The following SNX5 variants were observed in gnomAD, a reference collection of about 807,000 sequenced individuals.
SNX5 encodes the protein sorting nexin 5.
In SNX5, 31 loss-of-function variants were observed where a neutral mutation model predicts 53.9. The observed-to-expected ratio is 0.58, with a 90% CI of 0.43 to 0.78. The LOEUF (loss-of-function observed/expected upper bound fraction) is 0.78, where lower values mean the gene tolerates loss of function less well. Ranked by LOEUF, SNX5 falls within the 30% of genes least tolerant of loss-of-function variation. The pLI is 0.00. For synonymous variants in SNX5, 168 were observed against 171.1 expected (o/e 0.98, Z 0.14); for missense variants, 471 against 478.8 (o/e 0.98, Z 0.15).
rs532915054 is a variant in SNX5 at position 17,966,222 on chromosome 20, C to T, written c.51+2153G>A. Among the ~76,000 whole-genome samples, 13 of 152,030 alleles carry T rather than the reference C, an allele frequency of 8.6e-5. No homozygotes were observed. In the East Asian group the frequency reaches 2.3e-3, roughly 27 times the overall value. On this transcript the variant is annotated intron_variant, in intron 1 of 12. Transcript: ENST00000377759. ...CCAACATGGTGAAACCCGGTCTCCA[C>T]AAAAATACAAAAATTAGCCGGGCAT...
At chr20:17,961,022 T>G (rs2035439471) in intron 1 of SNX5, 1 of 517,880 alleles carries the variant, frequency 1.9e-6, no homozygotes, top group Non-Finnish European at 2.5e-6. Context: ...CAAGCACGGC[T>G]TCATTTGGAA....
rs2035447225 is a variant in SNX5 at position 17,961,480 on chromosome 20, T to C, written c.52-4443A>G. Reference sequence around the variant, plus strand: ...AAGTGAAACTCCACAATCTCTGATCTGTTAGATTGGGGCTAGTTGAACAGT... The same window carrying C: ...AAGTGAAACTCCACAATCTCTGATCCGTTAGATTGGGGCTAGTTGAACAGT... On this transcript the variant is annotated intron_variant, in intron 1 of 12. Coordinates refer to ENST00000377759, the MANE Select transcript of SNX5 (RefSeq NM_014426.4). 3 of 985,314 alleles carry C rather than the reference T, an allele frequency of 3.0e-6. No homozygotes were observed. The Admixed American group carries it at 1.8e-4, about 61-fold the overall frequency. 61.0% of individuals were successfully genotyped at this position (985,314 alleles called of 1,614,324 possible). A position where few individuals can be genotyped will look rare whatever the true frequency, so the allele number is the denominator to read the frequency against.
chr20:17,968,472 A>T lies in SNX5; in HGVS notation c.-47T>A. 3 of 1,288,932 alleles carry T rather than the reference A, an allele frequency of 2.3e-6. No homozygotes were observed. Among genetic ancestry groups the T allele is most frequent in the Non-Finnish European group, 3.0e-6 (3 of 1,016,230 alleles). 79.8% of individuals were successfully genotyped at this position (1,288,932 alleles called of 1,614,324 possible). On this transcript the variant is annotated 5_prime_UTR_variant, in exon 1 of 13. Transcript: ENST00000377759. ...GGGCCGCCTGGCTGTGCGAGGAAAG[A>T]AGAAGCTGGGCCGCCGCCGCCGCCG...
At chr20:17,957,899 CA>C (rs2035388090) in intron 1 of SNX5, among the ~76,000 whole-genome samples, 1 of 150,108 alleles carries the variant, frequency 6.7e-6, no homozygotes. Context: ...ACTGTGGTTA[CA>C]CATGAGCAAC....
rs2035625192 is a variant in SNX5, at chr20:17,968,769, TC to T, written c.-345del. ...CACGGACGGGAAGCAACGGACACTC[TC>T]CCAGCAAGACGCGTCTAGAGAAAGA... On this transcript the variant is annotated 5_prime_UTR_variant, in exon 1 of 13. Transcript: ENST00000377759. The T allele has an allele frequency of 3.0e-6, 1 of 334,720 alleles. No individual in the cohort carries two copies. The highest frequency in any genetic ancestry group is 8.5e-4 in the Middle Eastern group (1 of 1,170). The allele number at this position is 334,720 out of a possible 1,614,324, so 20.7% of individuals were successfully genotyped here. A position where few individuals can be genotyped will look rare whatever the true frequency, so the allele number is the denominator to read the frequency against.
intron 11 of SNX5, chr20:17,944,257 G>C (rs1292451292): frequency 6.6e-6 from 1 of 152,016 alleles, no homozygotes; most frequent in Non-Finnish European, 1.5e-5. Context: ...TAAATTTTGA[G>C]ATCTACTGCA....
At chr20:17,965,941 A>AC (rs777311790) in intron 1 of SNX5, among the ~76,000 whole-genome samples, 21 of 152,048 alleles carry the variant, frequency 1.4e-4, no homozygotes, top group Non-Finnish European at 2.4e-4. Context: ...TCCTATACTA[A>AC]CCAACTGCAC....
chr20:17,965,418 C>A (rs1213082970), intron 1 of SNX5, among the ~76,000 whole-genome samples: 1 of 152,188 alleles, frequency 6.6e-6, no homozygotes, highest in Non-Finnish European at 1.5e-5. Context: ...AGAAACAAAT[C>A]TAGAAAACTT....
At chr20:17,968,279 G>T in intron 1 of SNX5, 96 bp downstream of exon 1, 2 of 1,059,940 alleles carry the variant, frequency 1.9e-6, no homozygotes, top group Non-Finnish European at 2.4e-6. Flanking sequence ...ATGGCGGCGA[G>T]CAGCCACGGC....
In SNX5 at chr20:17,962,802, C is replaced by T. The variant is rs774967779; in HGVS notation, c.51+5573G>A. On this transcript the variant is annotated intron_variant, in intron 1 of 12. Transcript: ENST00000377759. ...ACCATTCTTACCGGTAGCCTGCCAACACACAAGCAGTTCACAGTAGAACAC... is the reference window on the plus strand; with the variant it reads ...ACCATTCTTACCGGTAGCCTGCCAATACACAAGCAGTTCACAGTAGAACAC... 5.8e-6 allele frequency: 3 copies of T among 519,232 alleles called. No individual in the cohort carries two copies. In the Admixed American group the frequency reaches 5.8e-5, roughly 10 times the overall value. The allele number at this position is 519,232 out of a possible 1,614,324, so 32.2% of individuals were successfully genotyped here.
At chr20:17,956,151 A>G (rs2035352444) in intron 2 of SNX5, among the ~76,000 whole-genome samples, 2 of 152,152 alleles carry the variant, frequency 1.3e-5, no homozygotes, top group Non-Finnish European at 2.9e-5. Context: ...TAAATTTTAA[A>G]AAAACCTCTT....
intron 10 of SNX5, among the ~76,000 whole-genome samples, chr20:17,947,880 A>T (rs190274805): frequency 1.4e-5 from 2 of 140,934 alleles, no homozygotes; most frequent in Admixed American, 1.4e-4. Context: ...GAGTGAAAAC[A>T]GAAGGACTTT....
intron 1 of SNX5, among the ~76,000 whole-genome samples, chr20:17,960,601 AC>A (rs1458426556): frequency 6.1e-5 from 9 of 148,646 alleles, no homozygotes; most frequent in Non-Finnish European, 1.5e-5. Flanking sequence ...TCTTAAAAAA[AC>A]AAACAAACAA....
At chr20:17,945,924 A>AT (rs2039482555) in intron 11 of SNX5, among the ~76,000 whole-genome samples, 1 of 152,142 alleles carries the variant, frequency 6.6e-6, no homozygotes, top group Admixed American at 6.5e-5. Flanking sequence ...TAAGATATGA[A>AT]TTTTTCATGG....
At chr20:17,951,987 G>A (rs2039576404) in intron 5 of SNX5, among the ~76,000 whole-genome samples, 1 of 152,240 alleles carries the variant, frequency 6.6e-6, no homozygotes, top group Non-Finnish European at 1.5e-5. Flanking sequence ...ACTTTGGGAG[G>A]CCAAGGCGGG....
At chr20:17,953,941 C>T (rs2035308460) in intron 4 of SNX5, 55 bp downstream of exon 4, 1 of 1,452,906 alleles carries the variant, frequency 6.9e-7, no homozygotes, top group Non-Finnish European at 9.6e-7. Context: ...TTTTTGTACA[C>T]AGCACCACTT....
Position 17,949,082 on chromosome 20 carries a change from C to G in SNX5, c.813G>C (p.Glu271Asp). 1 of 1,613,308 alleles carries G rather than the reference C, an allele frequency of 6.2e-7. No individual in the cohort carries two copies. Among genetic ancestry groups the G allele is most frequent in the South Asian group, 1.1e-5 (1 of 91,048 alleles). Residue 271 changes from glutamate (E) to aspartate (D), a missense_variant, in exon 9 of 13, where the codon GAG (glutamate) becomes GAC (aspartate). By Grantham distance (45) the Glu-to-Asp change is conservative (BLOSUM62 2). Transcript: ENST00000377759. The stretch of plus-strand genomic sequence containing the variant: ...TCCTTACCCTTAGTTTTTCAAATAG[C>G]TCAGCAACCTTCAATAGGTACCTGG... ...VIKKYLLKVAELFEKLRKVEG... is the reference protein window; with the variant it reads ...VIKKYLLKVADLFEKLRKVEG...
At chr20:17,963,295 C>A in intron 1 of SNX5, among the ~76,000 whole-genome samples, 1 of 152,040 alleles carries the variant, frequency 6.6e-6, no homozygotes, top group South Asian at 2.1e-4. Flanking sequence ...GCCTGGGCAA[C>A]ACAGCAAAGC....
At chr20:17,948,254 G>C (rs1568588906) in intron 10 of SNX5, among the ~76,000 whole-genome samples, 1 of 152,200 alleles carries the variant, frequency 6.6e-6, no homozygotes, top group Admixed American at 6.5e-5. Flanking sequence ...AATCGTAAGT[G>C]AGCTCTTAAT....
Sources: gnomAD v4.1 joint callset for allele counts (sites outside exome capture counted in the v4.1 genomes callset) on GRCh38, gnomAD v4.1.1 for gene constraint, MANE v1.5 for transcripts, NCBI Gene and HGNC (gene_info 2026-07-23, HGNC 2026-07-21) for gene names.